Variants in ATXN2 observed in about 807,000 individuals in gnomAD.
ATXN2 encodes ataxin 2.
ATXN2 carries 37 observed loss-of-function variants against 138.6 expected under a neutral mutation model. The observed-to-expected ratio is 0.27, with a 90% CI of 0.21 to 0.35. The LOEUF is 0.35. Ranked by LOEUF, ATXN2 falls within the 10% of genes least tolerant of loss-of-function variation. The pLI, the probability that ATXN2 is intolerant of heterozygous loss-of-function variation, is 1.00. For synonymous variants in ATXN2, 549 were observed against 543.7 expected, an observed-to-expected ratio of 1.01 and a Z score of -0.13; for missense variants, 1,216 against 1,480.3, an observed-to-expected ratio of 0.82 and a Z score of 2.93.
intron 5 of ATXN2, among the ~76,000 whole-genome samples, chr12:111,543,419 A>G (rs1046621567): frequency 6.6e-6 from 1 of 150,468 alleles, no homozygotes; most frequent in African/African-American, 2.5e-5. Flanking sequence ...TCCAACTACT[A>G]AAATCTACAC....
intron 1 of ATXN2, among the ~76,000 whole-genome samples, chr12:111,566,666 C>T (rs1443267212): frequency 1.4e-5 from 2 of 147,400 alleles, no homozygotes; most frequent in Admixed American, 1.4e-4. Flanking sequence ...GATAGAGTTT[C>T]GCTCCTGTTG....
intron 5 of ATXN2, among the ~76,000 whole-genome samples, chr12:111,551,381 C>T (rs1274268466): frequency 6.6e-6 from 1 of 151,972 alleles, no homozygotes; most frequent in Non-Finnish European, 1.5e-5. Context: ...CTCAATAATG[C>T]CTTGCAAATG....
intron 14 of ATXN2, among the ~76,000 whole-genome samples, chr12:111,495,483 T>C (rs1878358862): frequency 2.0e-5 from 3 of 152,000 alleles, no homozygotes; most frequent in African/African-American, 7.2e-5. Context: ...ACAAAGTCTA[T>C]AAAAACAGAC....
intron 5 of ATXN2, among the ~76,000 whole-genome samples, chr12:111,534,681 C>A (rs1476735668): frequency 6.6e-6 from 1 of 151,922 alleles, no homozygotes; most frequent in Non-Finnish European, 1.5e-5. Context: ...TTCATGACAC[C>A]CTATGATGTC....
intron 1 of ATXN2, among the ~76,000 whole-genome samples, chr12:111,586,628 C>T (rs1402295264): frequency 6.6e-6 from 1 of 151,532 alleles, no homozygotes; most frequent in Non-Finnish European, 1.5e-5. Context: ...CCTTGTAATC[C>T]GCCCTCCTCA....
chr12:111,454,954 A>G (rs1032426046), intron 23 of ATXN2: 35 of 680,362 alleles, frequency 5.1e-5, no homozygotes, highest in Admixed American at 3.0e-4. Context: ...ACTATCAAAA[A>G]GCAAATCAAC....
rs924394039 is a variant in ATXN2 at position 111,597,777 on chromosome 12, C to T, written c.251+1007G>A. On this transcript the variant is annotated intron_variant, in intron 1 of 24. Coordinates refer to ENST00000673436, the MANE Select transcript of ATXN2 (RefSeq NM_001372574.1). ...TCTGCCTTCAGGAACCCGACCACGT[C>T]CCCTGCTGCAATCTCTCTCTCCTAG... The T allele has an allele frequency of 1.4e-5, 15 of 1,064,064 alleles. No individual in the cohort carries two copies. The Admixed American group carries it at 3.5e-4, about 25-fold the overall frequency. The allele number at this position is 1,064,064 out of a possible 1,614,324, so 65.9% of individuals were successfully genotyped here.
intron 1 of ATXN2, among the ~76,000 whole-genome samples, chr12:111,597,535 T>A (rs1351218921): frequency 6.6e-6 from 1 of 152,160 alleles, no homozygotes; most frequent in African/African-American, 2.4e-5. Context: ...CCGGCCACAA[T>A]GGAATGGAGT....
chr12:111,517,470 G>C (rs1646181757), intron 9 of ATXN2, among the ~76,000 whole-genome samples: 1 of 152,042 alleles, frequency 6.6e-6, no homozygotes, highest in Admixed American at 6.5e-5. Flanking sequence ...AATTTAAATA[G>C]CTAAAATTGA....
chr12:111,485,298 C>A lies in ATXN2; in HGVS notation c.2491G>T (p.Val831Leu). Reference sequence around the variant, plus strand: ...GCTCTATATGTCTTGGCTTGATTCACTGGCATGGGCGTCATAGGTATTGGG... The same window carrying A: ...GCTCTATATGTCTTGGCTTGATTCAATGGCATGGGCGTCATAGGTATTGGG... ...LYPIPMTPMPVNQAKTYRAGK... is the reference protein window; with the variant it reads ...LYPIPMTPMPLNQAKTYRAGK... Residue 831 changes from valine (V) to leucine (L), a missense_variant, in exon 18 of 25, where the codon GTG (valine) becomes TTG (leucine). This residue lies in a region of ATXN2 where 490 missense variants were observed against 653.5 expected (regional missense o/e 0.75). Coordinates refer to ENST00000673436, the MANE Select transcript of ATXN2 (RefSeq NM_001372574.1). 1 of 1,612,956 alleles carries A rather than the reference C, an allele frequency of 6.2e-7. No individual in the cohort carries two copies. Among genetic ancestry groups the A allele is most frequent in the Non-Finnish European group, 8.5e-7 (1 of 1,179,398 alleles).
chr12:111,549,254 A>G (rs940553663), intron 5 of ATXN2, among the ~76,000 whole-genome samples: 6 of 152,122 alleles, frequency 3.9e-5, no homozygotes, highest in Admixed American at 3.9e-4. Context: ...TAATCTGAGT[A>G]AGTCTCTAAT....
At chr12:111,540,600 CA>C (rs1394269637) in intron 5 of ATXN2, among the ~76,000 whole-genome samples, 2 of 150,320 alleles carry the variant, frequency 1.3e-5, no homozygotes, top group Admixed American at 1.3e-4. Flanking sequence ...GCCACCTTTT[CA>C]TACATTCACT....
At chr12:111,487,033 A>T (rs962978721) in intron 15 of ATXN2, among the ~76,000 whole-genome samples, 1 of 152,194 alleles carries the variant, frequency 6.6e-6, no homozygotes, top group Non-Finnish European at 1.5e-5. Context: ...ACAATTTTTT[A>T]AAAATCTGAG....
chr12:111,540,340 C>G (rs7979403), intron 5 of ATXN2, among the ~76,000 whole-genome samples: 15,519 of 150,432 alleles, frequency 0.1, 2,810 homozygotes, highest in African/African-American at 0.35. Context: ...GAAACATATG[C>G]ATTACTTACC....
chr12:111,483,546 G>A (rs746474164), intron 18 of ATXN2, among the ~76,000 whole-genome samples: 3 of 147,550 alleles, frequency 2.0e-5, no homozygotes, highest in Admixed American at 7.0e-5. Flanking sequence ...TAGTAGAGAC[G>A]GGTTTTCACC....
intron 14 of ATXN2, among the ~76,000 whole-genome samples, chr12:111,502,621 G>C (rs1484914496): frequency 6.6e-6 from 1 of 151,968 alleles, no homozygotes; most frequent in Non-Finnish European, 1.5e-5. Flanking sequence ...AGTAGAGATG[G>C]GGTTTCATCA....
At chr12:111,528,292 T>C (rs1439354531) in intron 5 of ATXN2, among the ~76,000 whole-genome samples, 2 of 152,184 alleles carry the variant, frequency 1.3e-5, no homozygotes, top group African/African-American at 4.8e-5. Flanking sequence ...TGTGAAAATA[T>C]TTAGAAAGTC....
intron 1 of ATXN2, among the ~76,000 whole-genome samples, chr12:111,560,637 A>T (rs1882631015): frequency 6.6e-6 from 1 of 152,196 alleles, no homozygotes; most frequent in Admixed American, 6.5e-5. Context: ...AGAACACTAA[A>T]ATCATTCAGC....
chr12:111,556,393 T>C (rs1327962095), intron 1 of ATXN2, among the ~76,000 whole-genome samples: 1 of 151,928 alleles, frequency 6.6e-6, no homozygotes, highest in Non-Finnish European at 1.5e-5. Context: ...TAATCTTTAC[T>C]CCCAAAGTAA....
Sources: gnomAD v4.1 joint callset for allele counts (sites outside exome capture counted in the v4.1 genomes callset) on GRCh38, gnomAD v4.1.1 for gene constraint, gnomAD v4.1.1 regional missense constraint, MANE v1.5 for transcripts, NCBI Gene and HGNC (gene_info 2026-07-23, HGNC 2026-07-21) for gene names.